ADAMTS17: variants seen among roughly 807,000 people sequenced by gnomAD.
ADAMTS17 encodes the protein ADAM metallopeptidase with thrombospondin type 1 motif 17.
Under a neutral mutation model 141.5 loss-of-function variants are expected in ADAMTS17, and 113 were observed. The observed-to-expected ratio is 0.80, with a 90% CI of 0.69 to 0.93. The LOEUF is 0.93. Ranked by LOEUF, ADAMTS17 falls within the 40% of genes least tolerant of loss-of-function variation. The probability of loss-of-function intolerance (pLI) is 0.00; values close to 1 mark genes in which losing one functional copy is unlikely to be tolerated. For missense variants in ADAMTS17, 1,659 were observed against 1,517.9 expected (o/e 1.09, Z -1.54); for synonymous variants, 768 against 630.6 (o/e 1.22, Z -3.27).
intron 18 of ADAMTS17, among the ~76,000 whole-genome samples, chr15:100,015,913 C>T (rs1441771295): frequency 6.6e-6 from 1 of 152,192 alleles, no homozygotes; most frequent in East Asian, 1.9e-4. Context: ...ATGTCTAGGT[C>T]TCTAGCAAGG....
At chr15:100,215,390 C>T (rs550657781) in intron 7 of ADAMTS17, among the ~76,000 whole-genome samples, 32 of 152,294 alleles carry the variant, frequency 2.1e-4, no homozygotes, top group Admixed American at 1.5e-3. Flanking sequence ...TCTGATAGCT[C>T]CAGCCTTGTA....
chr15:100,336,365 T>C (rs1054474836), intron 2 of ADAMTS17, among the ~76,000 whole-genome samples: 1 of 152,160 alleles, frequency 6.6e-6, no homozygotes, highest in Non-Finnish European at 1.5e-5. Flanking sequence ...GTTCCAGAGG[T>C]GGCAGCCAGA....
At chr15:100,093,520 C>T (rs62043234) in intron 15 of ADAMTS17, among the ~76,000 whole-genome samples, 30,772 of 151,988 alleles carry the variant, frequency 0.2, 3,779 homozygotes, top group East Asian at 0.52. Flanking sequence ...CTGCACTTGG[C>T]GTCACCAAGA....
intron 15 of ADAMTS17, among the ~76,000 whole-genome samples, chr15:100,087,141 C>T (rs1342521602): frequency 2.0e-5 from 3 of 151,990 alleles, no homozygotes; most frequent in African/African-American, 7.2e-5. Flanking sequence ...AGACACAATA[C>T]AAAATGATAA....
intron 18 of ADAMTS17, among the ~76,000 whole-genome samples, chr15:100,020,727 G>C (rs1188638605): frequency 6.6e-6 from 1 of 152,224 alleles, no homozygotes; most frequent in African/African-American, 2.4e-5. Flanking sequence ...AGGGGCAACA[G>C]ACATCCAGGC....
chr15:100,115,416 T>C (rs1054897507), intron 13 of ADAMTS17, among the ~76,000 whole-genome samples: 4 of 152,198 alleles, frequency 2.6e-5, no homozygotes, highest in Non-Finnish European at 5.9e-5. Context: ...ATGGCGCAGC[T>C]ACATTACACG....
chr15:100,205,628 T>C (rs1229564034), intron 7 of ADAMTS17, among the ~76,000 whole-genome samples: 1 of 152,010 alleles, frequency 6.6e-6, no homozygotes, highest in African/African-American at 2.4e-5. Flanking sequence ...CCACCAGAAA[T>C]GGTCCCAGGC....
At chr15:100,049,023 C>G (rs2031934569) in intron 17 of ADAMTS17, 31 bp from the exon 18 acceptor site, 1 of 1,614,022 alleles carries the variant, frequency 6.2e-7, no homozygotes, top group African/African-American at 1.3e-5. Flanking sequence ...AGCTGAGAGA[C>G]TGTGGCTGCA....
chr15:100,157,978 T>G (rs898456471), intron 8 of ADAMTS17, among the ~76,000 whole-genome samples: 13 of 150,056 alleles, frequency 8.7e-5, no homozygotes, highest in Non-Finnish European at 3.0e-5. Flanking sequence ...AACCTCTGCC[T>G]CCCGCGTTCA....
At chr15:100,017,364 C>T (rs1184518646) in intron 18 of ADAMTS17, among the ~76,000 whole-genome samples, 1 of 152,218 alleles carries the variant, frequency 6.6e-6, no homozygotes, top group Non-Finnish European at 1.5e-5. Flanking sequence ...TGTGCCCTCC[C>T]CCCAAGTTCT....
chr15:100,157,175 C>T (rs1005740658), intron 8 of ADAMTS17, among the ~76,000 whole-genome samples: 1 of 152,220 alleles, frequency 6.6e-6, no homozygotes, highest in East Asian at 1.9e-4. Context: ...CCCTCATGAT[C>T]CAATCACCTC....
At chr15:100,281,186 G>A in intron 4 of ADAMTS17, 43 bp downstream of exon 4, 1 of 1,598,700 alleles carries the variant, frequency 6.3e-7, no homozygotes, top group South Asian at 1.1e-5. Context: ...TCATCAAGGA[G>A]AAAACAGAGC....
intron 8 of ADAMTS17, among the ~76,000 whole-genome samples, chr15:100,181,731 A>G (rs975167634): frequency 1.3e-5 from 2 of 152,176 alleles, no homozygotes; most frequent in Admixed American, 6.5e-5. Context: ...TTCTCTCCTG[A>G]AGGAGGAGGA....
chr15:100,121,227 G>C (rs942970423), intron 12 of ADAMTS17, among the ~76,000 whole-genome samples: 4 of 152,182 alleles, frequency 2.6e-5, no homozygotes, highest in African/African-American at 4.8e-5. Context: ...CCATCGAGTG[G>C]ATCAATGTAG....
At chr15:100,027,334 T>G (rs150258239) in intron 18 of ADAMTS17, among the ~76,000 whole-genome samples, 93 of 152,364 alleles carry the variant, frequency 6.1e-4, no homozygotes, top group African/African-American at 2.2e-3. Context: ...ATATAACATT[T>G]ACATATTATT....
intron 7 of ADAMTS17, among the ~76,000 whole-genome samples, chr15:100,236,327 C>T (rs1251961539): frequency 6.7e-6 from 1 of 149,468 alleles, no homozygotes; most frequent in African/African-American, 2.5e-5. Flanking sequence ...CCCCCAGCCA[C>T]AATAAGGCAG....
At chr15:100,158,207 G>A (rs772904940) in intron 8 of ADAMTS17, among the ~76,000 whole-genome samples, 18 of 152,064 alleles carry the variant, frequency 1.2e-4, no homozygotes, top group Non-Finnish European at 2.5e-4. Flanking sequence ...AATAAAGTGA[G>A]TTCTATTTTT....
rs1296395387 is a variant in ADAMTS17 at position 99,976,299 on chromosome 15, GC to G, written c.2950-78del. 61 of 1,510,878 alleles carry G rather than the reference GC, an allele frequency of 4.0e-5. No homozygotes were observed. In the Middle Eastern group the frequency reaches 1.1e-3, roughly 27 times the overall value. 93.6% of individuals were successfully genotyped at this position (1,510,878 alleles called of 1,614,324 possible). A position where few individuals can be genotyped will look rare whatever the true frequency, so the allele number is the denominator to read the frequency against. On this transcript the variant is annotated intron_variant, in intron 20 of 21. Transcript: ENST00000268070. ...GATGATGGCCTCACAATGTGGCACTGCGGAGACAGGACAGCCTGAGTGGGGG... is the reference window on the plus strand; with the variant it reads ...GATGATGGCCTCACAATGTGGCACTGGGAGACAGGACAGCCTGAGTGGGGG...
intron 18 of ADAMTS17, among the ~76,000 whole-genome samples, chr15:100,043,378 A>G (rs11635439): frequency 0.53 from 80,856 of 152,030 alleles, 23,694 homozygotes; most frequent in Non-Finnish European, 0.67. Flanking sequence ...AGTGGTGGGG[A>G]GGCAGAAATC....
Sources: allele counts gnomAD v4.1 joint callset (sites outside exome capture counted in the v4.1 genomes callset), GRCh38; gene constraint gnomAD v4.1.1; transcripts MANE v1.5; gene names NCBI Gene and HGNC (gene_info 2026-07-23, HGNC 2026-07-21).